LCORL: variants seen among roughly 807,000 people sequenced by gnomAD.
LCORL encodes ligand dependent nuclear receptor corepressor like.
LCORL carries 41 observed loss-of-function variants against 141.8 expected under a neutral mutation model. The observed-to-expected ratio is 0.29, with a 90% CI of 0.23 to 0.38. The LOEUF is 0.38. Among genes scored for constraint, LCORL ranks in the 10% least tolerant of loss-of-function variants. The pLI, the probability that LCORL is intolerant of heterozygous loss-of-function variation, is 1.00. For missense variants in LCORL, 1,759 were observed against 2,035.0 expected (o/e 0.86, Z 2.61); for synonymous variants, 618 against 694.1 (o/e 0.89, Z 1.72).
At chr4:17,900,923 T>C (rs754858370) in intron 5 of LCORL, among the ~76,000 whole-genome samples, 2 of 152,260 alleles carry the variant, frequency 1.3e-5, no homozygotes, top group African/African-American at 4.8e-5. Flanking sequence ...AGGAAACATA[T>C]AACTCTTAAG....
exon 7 of LCORL, chr4:17,876,496 T>C (rs1478055761): frequency 1.6e-6 from 2 of 1,230,810 alleles, no homozygotes; most frequent in Non-Finnish European, 2.0e-6. Context: ...ACTTGTAAAT[T>C]AGAATTCATT....
intron 1 of LCORL, among the ~76,000 whole-genome samples, chr4:18,010,412 GTATATATATA>G (rs1180510783): frequency 6.6e-6 from 1 of 151,480 alleles, no homozygotes; most frequent in African/African-American, 2.4e-5. Flanking sequence ...GTGTGTGTGT[GTATATATATA>G]TGTATGTATG....
intron 4 of LCORL, among the ~76,000 whole-genome samples, chr4:17,928,536 C>A (rs953043509): frequency 3.3e-5 from 5 of 152,162 alleles, no homozygotes; most frequent in Non-Finnish European, 5.9e-5. Context: ...AATATAATTT[C>A]CTTCCATGGC....
At chr4:17,843,521 G>GTCTT in exon 8 of LCORL, 1 of 1,399,194 alleles carries the variant, frequency 7.1e-7, no homozygotes, top group Non-Finnish European at 9.8e-7. Context: ...CAAACCTGAT[G>GTCTT]TCTTTCTGAA....
chr4:17,898,659 T>TG (rs1730368923), intron 5 of LCORL, among the ~76,000 whole-genome samples: 1 of 151,596 alleles, frequency 6.6e-6, no homozygotes, highest in African/African-American at 2.4e-5. Context: ...ACCGTTTTTT[T>TG]TTTTTTTTTT....
chr4:17,886,102 T>C lies in LCORL; in HGVS notation c.742A>G (p.Ile248Val), dbSNP rs755507104. The change falls in exon 6 of 8, where the codon ATA becomes GTA. Residue 248 changes from isoleucine to valine, a missense_variant. Ile to Val is a conservative substitution (Grantham distance 29, BLOSUM62 3). Coordinates refer to ENST00000635767, the Ensembl canonical transcript of LCORL. ...GAATTTTCAGAAGAAGGATCACATATGGATGACTCTTCAGATTTTATGCTG... is the reference window on the plus strand; with the variant it reads ...GAATTTTCAGAAGAAGGATCACATACGGATGACTCTTCAGATTTTATGCTG... The C allele has an allele frequency of 8.7e-6, 14 of 1,604,184 alleles. No individual in the cohort carries two copies. The highest frequency in any genetic ancestry group is 1.7e-5 in the Admixed American group (1 of 59,692).
intron 1 of LCORL, among the ~76,000 whole-genome samples, chr4:17,973,783 G>C (rs536902305): frequency 6.6e-6 from 1 of 151,914 alleles, no homozygotes; most frequent in East Asian, 1.9e-4. Flanking sequence ...TAAGTTATAA[G>C]ATGCTTTTGA....
intron 6 of LCORL, among the ~76,000 whole-genome samples, chr4:17,879,486 CT>C (rs1199652186): frequency 6.6e-6 from 1 of 150,962 alleles, no homozygotes; most frequent in Non-Finnish European, 1.5e-5. Context: ...TAAAATAAAA[CT>C]TTTAAAGTCA....
intron 1 of LCORL, among the ~76,000 whole-genome samples, chr4:18,001,809 A>G (rs1056261037): frequency 1.3e-5 from 2 of 152,250 alleles, no homozygotes; most frequent in African/African-American, 2.4e-5. Context: ...ATGGATTTTA[A>G]TTCTACACAA....
At chr4:17,912,520 T>G in intron 4 of LCORL, 2 of 487,570 alleles carry the variant, frequency 4.1e-6, no homozygotes, top group Non-Finnish European at 8.0e-6. Flanking sequence ...CTCAGCAGAT[T>G]GAGGAGAGCA....
At chr4:17,911,506 C>T (rs1181439630) in intron 4 of LCORL, among the ~76,000 whole-genome samples, 1 of 152,144 alleles carries the variant, frequency 6.6e-6, no homozygotes, top group Admixed American at 6.5e-5. Context: ...GAAGCAAGAA[C>T]AAATATTAAC....
chr4:17,964,616 T>C (rs972448600), intron 2 of LCORL, among the ~76,000 whole-genome samples: 1 of 152,146 alleles, frequency 6.6e-6, no homozygotes, highest in South Asian at 2.1e-4. Context: ...ACTGTAGCTA[T>C]GTAGGCTTAC....
At chr4:17,929,444 C>A (rs778714034) in intron 4 of LCORL, among the ~76,000 whole-genome samples, 1 of 152,064 alleles carries the variant, frequency 6.6e-6, no homozygotes, top group East Asian at 1.9e-4. Context: ...GGAAAAGAAT[C>A]GAGTCCAAAC....
chr4:17,905,723 T>C (rs1278647471), intron 5 of LCORL, among the ~76,000 whole-genome samples: 1 of 152,160 alleles, frequency 6.6e-6, no homozygotes, highest in Non-Finnish European at 1.5e-5. Flanking sequence ...ATTGGATTTA[T>C]GGATTGTCAT....
At chr4:18,003,819 T>C (rs1464304917) in intron 1 of LCORL, among the ~76,000 whole-genome samples, 4 of 152,222 alleles carry the variant, frequency 2.6e-5, no homozygotes, top group Admixed American at 6.5e-5. Context: ...CCAAATAACA[T>C]TTGTTATTAA....
chr4:17,843,617 G>GCAT (rs1444362075), exon 8 of LCORL: 10 of 459,412 alleles, frequency 2.2e-5, no homozygotes, highest in Middle Eastern at 1.1e-3. Context: ...GAAAAAGTGT[G>GCAT]CATCAGTCAG....
intron 4 of LCORL, among the ~76,000 whole-genome samples, chr4:17,957,872 A>G (rs538175310): frequency 6.6e-6 from 1 of 152,082 alleles, no homozygotes; most frequent in African/African-American, 2.4e-5. Flanking sequence ...TCACAAAGGA[A>G]CACTTACTAA....
chr4:18,004,472 TCTCATGAAA>T (rs1415796249), intron 1 of LCORL, among the ~76,000 whole-genome samples: 1 of 152,108 alleles, frequency 6.6e-6, no homozygotes, highest in Non-Finnish European at 1.5e-5. Flanking sequence ...AACCGTCCGA[TCTCATGAAA>T]CTCATTCACT....
At chr4:17,874,769 A>G in exon 7 of LCORL, 2 of 1,233,884 alleles carry the variant, frequency 1.6e-6, no homozygotes, top group Non-Finnish European at 2.0e-6. Context: ...CTTCAGAAAT[A>G]GGTACTAATT....
Sources: allele counts gnomAD v4.1 joint callset (sites outside exome capture counted in the v4.1 genomes callset), GRCh38; gene constraint gnomAD v4.1.1; transcripts MANE v1.5; gene names NCBI Gene and HGNC (gene_info 2026-07-23, HGNC 2026-07-21).